Variants in THSD7A observed in about 807,000 individuals in gnomAD.
The protein encoded by THSD7A is thrombospondin type 1 domain containing 7A.
In THSD7A, 96 loss-of-function variants were observed where a neutral mutation model predicts 231.3. That is an observed-to-expected ratio of 0.41 (90% CI 0.35 to 0.49). The LOEUF (loss-of-function observed/expected upper bound fraction) is 0.49, where lower values mean the gene tolerates loss of function less well. Ranked by LOEUF, THSD7A falls within the 20% of genes least tolerant of loss-of-function variation. The probability of loss-of-function intolerance (pLI) is 0.05; values close to 1 mark genes in which losing one functional copy is unlikely to be tolerated. For missense variants in THSD7A, 2,290 were observed against 2,070.2 expected, an observed-to-expected ratio of 1.11 and a Z score of -2.06; for synonymous variants, 940 against 743.3, an observed-to-expected ratio of 1.26 and a Z score of -4.30.
intron 2 of THSD7A, among the ~76,000 whole-genome samples, chr7:11,622,547 C>T (rs907904745): frequency 6.6e-6 from 1 of 152,006 alleles, no homozygotes; most frequent in Non-Finnish European, 1.5e-5. Flanking sequence ...GAATCTGATG[C>T]TGGTGTTATG....
chr7:11,740,131 T>C (rs902131788), intron 1 of THSD7A, among the ~76,000 whole-genome samples: 2 of 151,878 alleles, frequency 1.3e-5, no homozygotes, highest in South Asian at 2.1e-4. Context: ...ACAGGGACAC[T>C]AGTAAGATCC....
At chr7:11,386,654 G>A (rs1020802381) in intron 23 of THSD7A, among the ~76,000 whole-genome samples, 4 of 152,194 alleles carry the variant, frequency 2.6e-5, no homozygotes, top group African/African-American at 7.2e-5. Context: ...CTCCCAATCG[G>A]CAGGTTGCCT....
chr7:11,406,811 C>A lies in THSD7A; in HGVS notation c.4062+99G>T, dbSNP rs1187651615. ...TTAAGAAGCTTGTCATCTGTGAGCT[C>A]TGAAACATATTTCTAACACATTATT... is the stretch of plus-strand genomic sequence containing the variant. On this transcript the variant is annotated intron_variant, in intron 21 of 27. Coordinates refer to ENST00000423059, the MANE Select transcript of THSD7A (RefSeq NM_015204.3). This position sits in a 1 kb window ranked among gnomAD's most constrained non-coding sequence, Gnocchi z 4.7. 9 of 1,396,642 alleles carry A rather than the reference C, an allele frequency of 6.4e-6. No homozygotes were observed. The highest frequency in any genetic ancestry group is 7.7e-6 in the Non-Finnish European group (8 of 1,042,580). The allele number at this position is 1,396,642 out of a possible 1,614,324, so 86.5% of individuals were successfully genotyped here.
chr7:11,498,105 A>C (rs1462321279), intron 6 of THSD7A, among the ~76,000 whole-genome samples: 1 of 152,150 alleles, frequency 6.6e-6, no homozygotes, highest in Admixed American at 6.5e-5. Context: ...GCTCCATCAA[A>C]GTGGGAGCTT....
At chr7:11,507,928 G>A (rs879724778) in intron 6 of THSD7A, among the ~76,000 whole-genome samples, 1 of 152,154 alleles carries the variant, frequency 6.6e-6, no homozygotes, top group Non-Finnish European at 1.5e-5. Flanking sequence ...AAAGGAAAGA[G>A]GTTTAATTGA....
intron 4 of THSD7A, among the ~76,000 whole-genome samples, chr7:11,576,665 T>C (rs1031295860): frequency 6.6e-6 from 1 of 152,178 alleles, no homozygotes; most frequent in Non-Finnish European, 1.5e-5. Flanking sequence ...AAAATAGCAA[T>C]ATCATATGGT....
At chr7:11,468,930 C>T (rs1422994152) in intron 9 of THSD7A, among the ~76,000 whole-genome samples, 2 of 151,760 alleles carry the variant, frequency 1.3e-5, no homozygotes, top group Non-Finnish European at 1.5e-5. Context: ...AAATAGAAAA[C>T]CATCAAAAGG....
chr7:11,587,372 C>T (rs17164845), intron 4 of THSD7A, among the ~76,000 whole-genome samples: 1,975 of 152,220 alleles, frequency 0.013, 40 homozygotes, highest in African/African-American at 0.045. Flanking sequence ...CTTTCTTCTA[C>T]GGAAATGATA....
At chr7:11,679,071 C>T (rs566616514) in intron 1 of THSD7A, among the ~76,000 whole-genome samples, 14 of 152,248 alleles carry the variant, frequency 9.2e-5, no homozygotes, top group African/African-American at 3.4e-4. Context: ...TGTAATCCAT[C>T]ACATAAACAG....
intron 6 of THSD7A, among the ~76,000 whole-genome samples, chr7:11,512,205 C>G (rs1787840237): frequency 6.6e-6 from 1 of 152,188 alleles, no homozygotes; most frequent in African/African-American, 2.4e-5. Context: ...CACTGGCCAT[C>G]AGAGAAATGA....
intron 1 of THSD7A, among the ~76,000 whole-genome samples, chr7:11,824,717 G>A (rs540958618): frequency 1.1e-3 from 173 of 151,770 alleles, no homozygotes; most frequent in African/African-American, 4.0e-3. Context: ...AATTACAAAA[G>A]AAAAAAAGAC....
chr7:11,395,797 A>G (rs1783163160), intron 23 of THSD7A, among the ~76,000 whole-genome samples: 1 of 152,148 alleles, frequency 6.6e-6, no homozygotes, highest in South Asian at 2.1e-4. Context: ...AAGTGCTGGG[A>G]TTACAGGCAT....
At position 11,637,688 on chromosome 7, in the gene THSD7A, CTTA is replaced by C. The variant is rs1781922673; in HGVS notation, c.191-730_191-728del. Among the ~76,000 whole-genome samples, 1 of 151,970 alleles carries C rather than the reference CTTA, an allele frequency of 6.6e-6. No individual in the cohort carries two copies. The highest frequency in any genetic ancestry group is 6.6e-5 in the Admixed American group (1 of 15,238). The stretch of plus-strand genomic sequence containing the variant: ...TAATCATTGAGAGGTTATTTGGGGT[CTTA>C]TTTATTTATTCATTTCTTAAACATG... On this transcript the variant is annotated intron_variant, in intron 1 of 27. Transcript: ENST00000423059. The surrounding 1 kb of genome is among the most constrained non-coding windows in gnomAD (Gnocchi z 4.2).
At chr7:11,564,306 G>C (rs766559362) in intron 4 of THSD7A, among the ~76,000 whole-genome samples, 1 of 152,212 alleles carries the variant, frequency 6.6e-6, no homozygotes, top group Non-Finnish European at 1.5e-5. Context: ...GACACTAACA[G>C]TGTTGTAACA....
At chr7:11,662,990 T>G (rs190300284) in intron 1 of THSD7A, among the ~76,000 whole-genome samples, 29 of 151,180 alleles carry the variant, frequency 1.9e-4, no homozygotes, top group African/African-American at 6.8e-4. Context: ...AATCTAAGTA[T>G]TCATATAAAG....
intron 17 of THSD7A, among the ~76,000 whole-genome samples, chr7:11,415,227 C>G (rs139374209): frequency 0.015 from 2,251 of 152,310 alleles, 66 homozygotes; most frequent in African/African-American, 0.051. Flanking sequence ...AAAAGGGAAG[C>G]GTAAGCTTGG....
At chr7:11,605,797 T>C (rs1780715711) in intron 2 of THSD7A, among the ~76,000 whole-genome samples, 1 of 152,094 alleles carries the variant, frequency 6.6e-6, no homozygotes, top group Admixed American at 6.6e-5. Flanking sequence ...ATTGCACTGC[T>C]GTTTCTCTAA....
chr7:11,633,401 G>T (rs1413204393), intron 2 of THSD7A, among the ~76,000 whole-genome samples: 6 of 152,080 alleles, frequency 3.9e-5, no homozygotes, highest in African/African-American at 1.4e-4. Flanking sequence ...GGCAATAATA[G>T]CATAGTGGGC....
chr7:11,574,731 C>T (rs529515347), intron 4 of THSD7A, among the ~76,000 whole-genome samples: 2 of 152,020 alleles, frequency 1.3e-5, no homozygotes, highest in Admixed American at 6.6e-5. Flanking sequence ...CCACCGCGCC[C>T]GGCCAACAAA....
Sources: gnomAD v4.1 joint callset for allele counts (sites outside exome capture counted in the v4.1 genomes callset) on GRCh38, gnomAD v4.1.1 for gene constraint, Gnocchi (gnomAD v3.1) non-coding constraint, MANE v1.5 for transcripts, NCBI Gene and HGNC (gene_info 2026-07-23, HGNC 2026-07-21) for gene names.